Variants in MAD1L1 observed in about 807,000 individuals in gnomAD.
MAD1L1 encodes the protein mitotic arrest deficient 1 like 1.
A neutral mutation model predicts 96.9 loss-of-function variants in MAD1L1; 95 were observed. The observed-to-expected ratio is 0.98, with a 90% confidence interval of 0.83 to 1.16. The LOEUF (loss-of-function observed/expected upper bound fraction) is 1.16. Among genes scored for constraint, MAD1L1 ranks in the 50% most tolerant of loss-of-function variants. MAD1L1 has a pLI of 0.00. For synonymous variants in MAD1L1, 473 were observed against 396.6 expected (o/e 1.19, Z -2.29); for missense variants, 1,007 against 954.4 (o/e 1.06, Z -0.73).
intron 11 of MAD1L1, among the ~76,000 whole-genome samples, chr7:2,116,243 T>A (rs1034769003): frequency 1.3e-5 from 2 of 152,004 alleles, no homozygotes; most frequent in Non-Finnish European, 2.9e-5. Context: ...GCGGAGTGCG[T>A]GGGTGCAGCT....
chr7:1,887,972 CATGT>C (rs1786235675), intron 18 of MAD1L1, among the ~76,000 whole-genome samples: 1 of 60,070 alleles, frequency 1.7e-5, no homozygotes, highest in African/African-American at 9.1e-5. Context: ...GCTGCCTATG[CATGT>C]GTGTGTGCAT....
intron 18 of MAD1L1, among the ~76,000 whole-genome samples, chr7:1,882,217 G>A (rs899151261): frequency 6.6e-6 from 1 of 152,190 alleles, no homozygotes; most frequent in East Asian, 1.9e-4. Flanking sequence ...GGGGTGCCTC[G>A]GGAGGCGAGT....
intron 18 of MAD1L1, among the ~76,000 whole-genome samples, chr7:1,840,780 T>G (rs769617206): frequency 1.3e-5 from 2 of 152,172 alleles, no homozygotes; most frequent in Non-Finnish European, 2.9e-5. Context: ...CTCCTGCAGT[T>G]CAAGGTTTTA....
intron 18 of MAD1L1, among the ~76,000 whole-genome samples, chr7:1,830,784 A>G (rs1782664170): frequency 6.6e-6 from 1 of 152,238 alleles, no homozygotes; most frequent in African/African-American, 2.4e-5. Flanking sequence ...AAGGAGGCAC[A>G]TGAACTTGTA....
At position 2,110,307 on chromosome 7, in the gene MAD1L1, G is replaced by A. The variant is rs759797005; in HGVS notation, c.1073+38845C>T. Among the ~76,000 whole-genome samples, 3 of 152,174 alleles carry A rather than the reference G, an allele frequency of 2.0e-5. No homozygotes were observed. In the East Asian group the frequency reaches 5.8e-4, roughly 29 times the overall value. ...TCACAGCCGTGCCGCCATGCCCCAC[G>A]CCTCGGTACACAGCAGGCACAACCA... On this transcript the variant is annotated intron_variant, in intron 11 of 18. Transcript: ENST00000265854.
chr7:1,885,566 C>T (rs537406656), intron 18 of MAD1L1, among the ~76,000 whole-genome samples: 1 of 152,110 alleles, frequency 6.6e-6, no homozygotes, highest in East Asian at 1.9e-4. Context: ...CACGGTGGGC[C>T]GCTGTAGCTC....
rs750415666 is a variant in MAD1L1 at position 2,149,186 on chromosome 7, C to T, written c.1039G>A (p.Ala347Thr). ...ACGGCGCTGTTCTTGTCCTTCAAGG[C>T]AAGCTCCCTCTGCTGCAGCTCAACC... ...FVVELQQREL[A>T]LKDKNSAVTS... Residue 347 changes from alanine (A) to threonine (T), a missense_variant, in exon 11 of 19, where the codon GCC becomes ACC. Ala to Thr is a moderately conservative substitution (Grantham distance 58, BLOSUM62 0). Transcript: ENST00000265854. 10 of 1,614,044 alleles carry T rather than the reference C, an allele frequency of 6.2e-6. No homozygotes were observed. The Admixed American group carries it at 6.7e-5, about 11-fold the overall frequency.
At chr7:1,906,305 C>T (rs929376178) in intron 17 of MAD1L1, among the ~76,000 whole-genome samples, 4 of 152,196 alleles carry the variant, frequency 2.6e-5, no homozygotes, top group African/African-American at 7.2e-5. Context: ...AGGATAACCC[C>T]GGCCATGCAG....
chr7:1,873,186 GC>G (rs1312478951), intron 18 of MAD1L1, among the ~76,000 whole-genome samples: 9 of 152,350 alleles, frequency 5.9e-5, no homozygotes, highest in Middle Eastern at 3.4e-3. Flanking sequence ...CATAAGGGGG[GC>G]CTTGACCCCC....
At chr7:1,936,992 A>G (rs1449050272) in intron 16 of MAD1L1, 95 bp from the exon 17 acceptor site, 2 of 961,900 alleles carry the variant, frequency 2.1e-6, no homozygotes, top group South Asian at 3.2e-5. Flanking sequence ...AGGAAGACAC[A>G]CAGCACGGGT....
chr7:2,109,008 G>A (rs555492397), intron 11 of MAD1L1, among the ~76,000 whole-genome samples: 4 of 152,348 alleles, frequency 2.6e-5, no homozygotes, highest in African/African-American at 7.2e-5. Context: ...ACCCCCACCC[G>A]GCCATTCCAG....
intron 10 of MAD1L1, chr7:2,201,890 T>C (rs1472048349): frequency 2.0e-5 from 3 of 152,330 alleles, no homozygotes; most frequent in Admixed American, 6.5e-5. Flanking sequence ...CTGTCAGCAC[T>C]GCTGGGAACG....
chr7:2,026,913 T>C (rs1038799382), intron 12 of MAD1L1, among the ~76,000 whole-genome samples: 1 of 152,006 alleles, frequency 6.6e-6, no homozygotes, highest in African/African-American at 2.4e-5. Context: ...ATTAATGAAA[T>C]AAAATACATA....
intron 11 of MAD1L1, among the ~76,000 whole-genome samples, chr7:2,102,251 T>C (rs1367871277): frequency 1.0e-4 from 11 of 107,476 alleles, no homozygotes; most frequent in Admixed American, 7.0e-4. Context: ...CCACCGCCAC[T>C]GTCACCATCA....
chr7:2,096,438 T>G lies in MAD1L1; in HGVS notation c.1074-27100A>C, dbSNP rs1372316098. 2.6e-5 allele frequency among the ~76,000 whole-genome samples: 4 copies of G among 152,064 alleles called. No homozygotes were observed. In the South Asian group the frequency reaches 8.3e-4, roughly 32 times the overall value. ...ACCTCAGTGCGGACTCGGCTTTCAC[T>G]CTCAAAAGCCAGGTCTCCTCCTACG... On this transcript the variant is annotated intron_variant, in intron 11 of 18. Transcript: ENST00000265854.
chr7:2,029,955 G>A (rs756121955), intron 12 of MAD1L1, among the ~76,000 whole-genome samples: 5 of 152,192 alleles, frequency 3.3e-5, no homozygotes, highest in Non-Finnish European at 5.9e-5. Context: ...ATCATCCCTA[G>A]CGCCCAGACA....
intron 10 of MAD1L1, among the ~76,000 whole-genome samples, chr7:2,183,001 C>T (rs1021386217): frequency 6.6e-6 from 1 of 152,042 alleles, no homozygotes; most frequent in African/African-American, 2.4e-5. Context: ...TGTGGGAGAA[C>T]CACTTGAGGT....
chr7:1,978,839 G>A (rs1038331771), intron 15 of MAD1L1, among the ~76,000 whole-genome samples: 1 of 152,128 alleles, frequency 6.6e-6, no homozygotes, highest in Non-Finnish European at 1.5e-5. Context: ...CTCCATGCTC[G>A]GCCCTAAGGA....
At chr7:2,157,287 CA>C (rs1019719909) in intron 10 of MAD1L1, among the ~76,000 whole-genome samples, 4 of 152,184 alleles carry the variant, frequency 2.6e-5, no homozygotes, top group Admixed American at 6.5e-5. Context: ...TCCAGCAGTG[CA>C]GGTCACCGTG....
Sources: gnomAD v4.1 joint callset for allele counts (sites outside exome capture counted in the v4.1 genomes callset) on GRCh38, gnomAD v4.1.1 for gene constraint, MANE v1.5 for transcripts, NCBI Gene and HGNC (gene_info 2026-07-23, HGNC 2026-07-21) for gene names.